MGST1: variants seen among roughly 807,000 people sequenced by gnomAD.
MGST1 encodes the protein glutathione S-transferase 12.
A neutral mutation model predicts 8.9 loss-of-function variants in MGST1; 5 were observed. That is an observed-to-expected ratio of 0.56 (90% CI 0.29 to 1.19). The LOEUF (loss-of-function observed/expected upper bound fraction) is 1.19. Among genes scored for constraint, MGST1 ranks in the 50% most tolerant of loss-of-function variants. MGST1 has a pLI of 0.08. For missense variants in MGST1, 182 were observed against 187.4 expected (o/e 0.97, Z 0.17); for synonymous variants, 54 against 67.8 (o/e 0.80, Z 1.00).
exon 2 of MGST1, chr12:16,437,402 G>A (rs1029618390): frequency 8.5e-5 from 13 of 152,084 alleles, no homozygotes; most frequent in African/African-American, 3.1e-4. Context: ...AGTGGCACTT[G>A]AATCTTTAGC....
intron 1 of MGST1, among the ~76,000 whole-genome samples, chr12:16,430,064 AC>A: frequency 6.6e-6 from 1 of 152,358 alleles, no homozygotes; most frequent in East Asian, 1.9e-4. Context: ...AACAATATTC[AC>A]AACATCTTCA....
At chr12:16,498,156 T>C (rs1361404765) in intron 4 of MGST1, among the ~76,000 whole-genome samples, 1 of 152,174 alleles carries the variant, frequency 6.6e-6, no homozygotes, top group African/African-American at 2.4e-5. Flanking sequence ...AGTGTACTTT[T>C]GAGTTATCAT....
chr12:16,430,322 T>G (rs1940926728), intron 1 of MGST1, among the ~76,000 whole-genome samples: 2 of 152,192 alleles, frequency 1.3e-5, no homozygotes, highest in Admixed American at 1.3e-4. Flanking sequence ...TTTGACCTCC[T>G]CCCATGAATC....
chr12:16,493,096 T>A (rs992648593), intron 4 of MGST1, among the ~76,000 whole-genome samples: 1 of 152,184 alleles, frequency 6.6e-6, no homozygotes, highest in Non-Finnish European at 1.5e-5. Flanking sequence ...CAAGATTGTC[T>A]TTGAGATGAA....
intron 4 of MGST1, among the ~76,000 whole-genome samples, chr12:16,452,350 A>C (rs6488847): frequency 0.96 from 145,546 of 151,208 alleles, 70,229 homozygotes; most frequent in Middle Eastern, 1. Context: ...TCTCAAATTC[A>C]CTTCCTTGTA....
intron 4 of MGST1, among the ~76,000 whole-genome samples, chr12:16,490,938 T>C (rs188111593): frequency 2.0e-5 from 3 of 152,316 alleles, no homozygotes; most frequent in Non-Finnish European, 4.4e-5. Flanking sequence ...ATGGGTAGAA[T>C]TAGCACAATA....
At chr12:16,354,452 T>G in intron 2 of MGST1, 74 bp downstream of exon 2, 1 of 1,505,178 alleles carries the variant, frequency 6.6e-7, no homozygotes, top group Non-Finnish European at 8.9e-7. Context: ...TTAATTTTCT[T>G]TTTTTATTTT....
intron 1 of MGST1, among the ~76,000 whole-genome samples, chr12:16,412,288 T>G (rs951224104): frequency 1.3e-5 from 2 of 148,774 alleles, no homozygotes; most frequent in African/African-American, 5.0e-5. Flanking sequence ...GAGAGGGTTG[T>G]TTTAAAGTTT....
At chr12:16,495,065 T>C (rs945423754) in intron 4 of MGST1, among the ~76,000 whole-genome samples, 1 of 152,144 alleles carries the variant, frequency 6.6e-6, no homozygotes, top group African/African-American at 2.4e-5. Flanking sequence ...TGAGGCTTTG[T>C]TTCTTTAATA....
At chr12:16,414,631 A>AATTACTATATGCTTTAGCATGTATTGTAG (rs1940770723) in intron 1 of MGST1, among the ~76,000 whole-genome samples, 1 of 151,406 alleles carries the variant, frequency 6.6e-6, no homozygotes, top group Non-Finnish European at 1.5e-5. Flanking sequence ...TAGCCAGGAT[A>AATTACTATATGCTTTAGCATGTATTGTAG]GTCTCCATCT....
At chr12:16,353,048 G>T (rs1242752673) in intron 1 of MGST1, among the ~76,000 whole-genome samples, 4 of 150,266 alleles carry the variant, frequency 2.7e-5, no homozygotes, top group Non-Finnish European at 5.9e-5. Context: ...TTTTTTTGGA[G>T]GGGGAGACAG....
chr12:16,360,106 G>T (rs1939917469), intron 3 of MGST1, among the ~76,000 whole-genome samples: 1 of 152,158 alleles, frequency 6.6e-6, no homozygotes, highest in Admixed American at 6.5e-5. Flanking sequence ...TGGCTTTTCC[G>T]CATACTGAGA....
At chr12:16,421,659 G>T (rs1052131318) in intron 1 of MGST1, among the ~76,000 whole-genome samples, 2 of 152,086 alleles carry the variant, frequency 1.3e-5, no homozygotes, top group African/African-American at 4.8e-5. Context: ...TGGATGGTGT[G>T]GTATGGGATA....
At chr12:16,567,969 A>G (rs1463539892) in intron 4 of MGST1, among the ~76,000 whole-genome samples, 1 of 152,204 alleles carries the variant, frequency 6.6e-6, no homozygotes, top group Admixed American at 6.5e-5. Context: ...GGGTAATAAA[A>G]TTACAGGTAA....
chr12:16,531,368 T>C (rs1941722141), intron 4 of MGST1, among the ~76,000 whole-genome samples: 1 of 152,122 alleles, frequency 6.6e-6, no homozygotes, highest in Non-Finnish European at 1.5e-5. Flanking sequence ...TTCATCTTTT[T>C]GTTCTTTTGT....
At chr12:16,507,581 G>A (rs1341301302) in intron 4 of MGST1, among the ~76,000 whole-genome samples, 1 of 152,146 alleles carries the variant, frequency 6.6e-6, no homozygotes, top group Admixed American at 6.5e-5. Context: ...ATGAAGAAAA[G>A]AGGTTTAATT....
intron 1 of MGST1, among the ~76,000 whole-genome samples, chr12:16,388,750 C>G (rs1940525743): frequency 6.6e-6 from 1 of 152,230 alleles, no homozygotes; most frequent in South Asian, 2.1e-4. Context: ...GGCATTATCA[C>G]AGGCTGAGTT....
intron 4 of MGST1, among the ~76,000 whole-genome samples, chr12:16,588,734 C>T (rs1022380537): frequency 6.6e-6 from 1 of 152,088 alleles, no homozygotes; most frequent in Non-Finnish European, 1.5e-5. Flanking sequence ...CACCCATCTC[C>T]TTTGCACACG....
intron 4 of MGST1, among the ~76,000 whole-genome samples, chr12:16,506,790 G>T (rs955639804): frequency 6.6e-6 from 1 of 152,128 alleles, no homozygotes; most frequent in Non-Finnish European, 1.5e-5. Flanking sequence ...CTGAACACTG[G>T]TATAGAGAAC....
Sources: allele counts gnomAD v4.1 joint callset (sites outside exome capture counted in the v4.1 genomes callset), GRCh38; gene constraint gnomAD v4.1.1; transcripts MANE v1.5; gene names NCBI Gene and HGNC (gene_info 2026-07-23, HGNC 2026-07-21).